The following BICD1 variants were observed in gnomAD, a reference collection of about 807,000 sequenced individuals.
The protein encoded by BICD1 is protein bicaudal D homolog 1.
BICD1 carries 35 observed loss-of-function variants against 92.5 expected under a neutral mutation model. The observed-to-expected ratio is 0.38, with a 90% CI of 0.29 to 0.50. BICD1 has a LOEUF of 0.50. Among genes scored for constraint, BICD1 ranks in the 20% least tolerant of loss-of-function variants. The pLI is 0.93. For synonymous variants in BICD1, 429 were observed against 465.1 expected (o/e 0.92, Z 1.00); for missense variants, 950 against 1,189.8 (o/e 0.80, Z 2.97).
intron 1 of BICD1, among the ~76,000 whole-genome samples, chr12:32,186,440 T>C (rs931947650): frequency 3.3e-5 from 5 of 152,210 alleles, no homozygotes; most frequent in African/African-American, 1.2e-4. Flanking sequence ...AGGAAGCTTT[T>C]TGCTACGTGA....
At chr12:32,283,309 G>A (rs148275411) in intron 2 of BICD1, among the ~76,000 whole-genome samples, 12 of 151,868 alleles carry the variant, frequency 7.9e-5, no homozygotes, top group Admixed American at 5.9e-4. Flanking sequence ...AGTTAATACC[G>A]AAGTCAGGAT....
chr12:32,127,966 C>A (rs112020347), intron 1 of BICD1, among the ~76,000 whole-genome samples: 15,540 of 149,648 alleles, frequency 0.1, 1,062 homozygotes, highest in Middle Eastern at 0.21. Context: ...TGCAGTGGCG[C>A]GATCTCAGTT....
intron 2 of BICD1, among the ~76,000 whole-genome samples, chr12:32,230,071 A>G (rs969422262): frequency 1.2e-4 from 19 of 152,292 alleles, no homozygotes; most frequent in African/African-American, 4.6e-4. Flanking sequence ...AGTCCTCTTC[A>G]GTCTGCTTCC....
chr12:32,188,831 G>C (rs1944488893), intron 1 of BICD1, among the ~76,000 whole-genome samples: 1 of 151,880 alleles, frequency 6.6e-6, no homozygotes, highest in Non-Finnish European at 1.5e-5. Context: ...GGGCTCAAGT[G>C]ATTTTCCTGC....
intron 2 of BICD1, among the ~76,000 whole-genome samples, chr12:32,248,732 G>A (rs1946451125): frequency 6.6e-6 from 1 of 152,248 alleles, no homozygotes; most frequent in South Asian, 2.1e-4. Context: ...CAACCAGGAG[G>A]AATTAGGCAC....
chr12:32,230,937 G>A (rs968539604), intron 2 of BICD1, among the ~76,000 whole-genome samples: 12 of 152,134 alleles, frequency 7.9e-5, no homozygotes, highest in Non-Finnish European at 1.8e-4. Flanking sequence ...GTCATAAAAT[G>A]CAAGCATTAT....
intron 3 of BICD1, among the ~76,000 whole-genome samples, chr12:32,302,070 T>G (rs1320273413): frequency 6.6e-6 from 1 of 151,996 alleles, no homozygotes; most frequent in Non-Finnish European, 1.5e-5. Context: ...GTATTTTTAG[T>G]AGAGACGGGG....
intron 2 of BICD1, among the ~76,000 whole-genome samples, chr12:32,220,232 A>C (rs1239597): frequency 0.36 from 53,962 of 151,958 alleles, 10,119 homozygotes; most frequent in Non-Finnish European, 0.42. Context: ...CAAAAGACAA[A>C]ATTGACAAAT....
chr12:32,112,559 TATAC>T (rs1415828447), intron 1 of BICD1, among the ~76,000 whole-genome samples: 1 of 152,214 alleles, frequency 6.6e-6, no homozygotes, highest in Non-Finnish European at 1.5e-5. Flanking sequence ...CATGTTGAAA[TATAC>T]ATAAAGGACT....
chr12:32,187,444 C>T (rs372241711), intron 1 of BICD1, among the ~76,000 whole-genome samples: 5 of 152,022 alleles, frequency 3.3e-5, no homozygotes, highest in East Asian at 1.9e-4. Flanking sequence ...GAGGCCGAGG[C>T]GGGCAGATCA....
At chr12:32,212,281 A>G (rs1475848705) in intron 1 of BICD1, among the ~76,000 whole-genome samples, 4 of 152,046 alleles carry the variant, frequency 2.6e-5, no homozygotes, top group African/African-American at 9.7e-5. Flanking sequence ...CTTGTTTTTT[A>G]TAAGTTGTTT....
At position 32,327,550 on chromosome 12, in the gene BICD1, T is replaced by C. The variant is rs773776594; in HGVS notation, c.1095T>C (p.His365=). 6.2e-6 allele frequency: 10 copies of C among 1,614,006 alleles called. No homozygotes were observed. In the South Asian group the frequency reaches 9.9e-5, roughly 16 times the overall value. The change falls in exon 5 of 10, where the codon CAT becomes CAC. Residue 365 remains histidine, a synonymous_variant. Coordinates refer to ENST00000652176, the MANE Select transcript of BICD1 (RefSeq NM_001714.4). Reference sequence around the variant, plus strand: ...CCAAGGGGGCACTGACGGAGCAGCATGAGCGGGTGCACCGGCTCACAGAGC... The same window carrying C: ...CCAAGGGGGCACTGACGGAGCAGCACGAGCGGGTGCACCGGCTCACAGAGC... ...EHTKGALTEQ[H]ERVHRLTEHV...
chr12:32,350,744 T>C (rs1225561397), intron 8 of BICD1, among the ~76,000 whole-genome samples: 11 of 152,196 alleles, frequency 7.2e-5, no homozygotes, highest in African/African-American at 2.7e-4. Context: ...CCAGTGTATT[T>C]TACCTGAAAG....
intron 1 of BICD1, among the ~76,000 whole-genome samples, chr12:32,136,625 A>C (rs1024436905): frequency 1.3e-5 from 2 of 151,844 alleles, no homozygotes; most frequent in African/African-American, 2.4e-5. Flanking sequence ...AGTGTAGATA[A>C]AATGACAGCA....
At chr12:32,323,635 A>G (rs1417432612) in intron 4 of BICD1, among the ~76,000 whole-genome samples, 2 of 152,228 alleles carry the variant, frequency 1.3e-5, no homozygotes, top group Non-Finnish European at 1.5e-5. Flanking sequence ...TTTCATAGGT[A>G]TGGACAAACA....
At chr12:32,269,146 A>G (rs1947074206) in intron 2 of BICD1, among the ~76,000 whole-genome samples, 1 of 149,538 alleles carries the variant, frequency 6.7e-6, no homozygotes, top group Non-Finnish European at 1.5e-5. Flanking sequence ...CAGCTGCATT[A>G]TTTTTTTTTT....
chr12:32,112,286 G>A (rs561653768), intron 1 of BICD1, among the ~76,000 whole-genome samples: 12 of 152,282 alleles, frequency 7.9e-5, no homozygotes, highest in African/African-American at 1.9e-4. Flanking sequence ...GATTACAGGC[G>A]TGAGCCCCCA....
chr12:32,250,008 G>C (rs570969284), intron 2 of BICD1, among the ~76,000 whole-genome samples: 1 of 151,602 alleles, frequency 6.6e-6, no homozygotes, highest in South Asian at 2.1e-4. Context: ...TGGTGGAGAG[G>C]CTGAACTGTT....
intron 8 of BICD1, among the ~76,000 whole-genome samples, chr12:32,345,576 C>T (rs1938536047): frequency 1.3e-5 from 2 of 152,192 alleles, no homozygotes; most frequent in African/African-American, 4.8e-5. Flanking sequence ...AGACATTATG[C>T]ATGCCGGTTT....
Sources: allele counts gnomAD v4.1 joint callset (sites outside exome capture counted in the v4.1 genomes callset), GRCh38; gene constraint gnomAD v4.1.1; transcripts MANE v1.5; gene names NCBI Gene and HGNC (gene_info 2026-07-23, HGNC 2026-07-21).